Variants in SPACA7 observed in about 807,000 individuals in gnomAD.
The protein encoded by SPACA7 is sperm acrosome-associated protein 7.
In SPACA7, 19 loss-of-function variants were observed where a neutral mutation model predicts 26.3. The ratio of observed to expected loss-of-function variants is 0.72; its 90% CI spans 0.50 to 1.06. The LOEUF is 1.06. SPACA7 is among the 50% of genes least tolerant of loss of function. The pLI is 0.00. For synonymous variants in SPACA7, 84 were observed against 84.5 expected (o/e 0.99, Z 0.04); for missense variants, 211 against 229.9 (o/e 0.92, Z 0.53).
At chr13:112,385,911 GT>G (rs1204713246) in intron 1 of SPACA7, among the ~76,000 whole-genome samples, 3 of 152,316 alleles carry the variant, frequency 2.0e-5, no homozygotes, top group African/African-American at 4.8e-5. Flanking sequence ...TCATTGGCCA[GT>G]TTTTTAATTG....
At chr13:112,432,977 C>A (rs1877317795) in intron 6 of SPACA7, among the ~76,000 whole-genome samples, 1 of 152,220 alleles carries the variant, frequency 6.6e-6, no homozygotes, top group Non-Finnish European at 1.5e-5. Flanking sequence ...GTTCACACAG[C>A]TTCACCACTG....
At chr13:112,429,823 C>G (rs943025955) in intron 5 of SPACA7, among the ~76,000 whole-genome samples, 3 of 152,084 alleles carry the variant, frequency 2.0e-5, no homozygotes, top group African/African-American at 7.2e-5. Flanking sequence ...ATTTTTAAAA[C>G]TATTATTGAG....
intron 5 of SPACA7, among the ~76,000 whole-genome samples, chr13:112,422,700 C>T (rs1259604325): frequency 1.3e-5 from 2 of 152,196 alleles, no homozygotes; most frequent in Admixed American, 6.5e-5. Flanking sequence ...TAACCCAATG[C>T]GCAAAGAAGT....
At chr13:112,427,144 AT>A (rs766616728) in intron 5 of SPACA7, among the ~76,000 whole-genome samples, 40 of 152,196 alleles carry the variant, frequency 2.6e-4, no homozygotes, top group Non-Finnish European at 5.3e-4. Context: ...CATAGCAAAT[AT>A]TTTTTGTACA....
At chr13:112,399,711 A>G (rs1296313273) in intron 4 of SPACA7, among the ~76,000 whole-genome samples, 1 of 152,224 alleles carries the variant, frequency 6.6e-6, no homozygotes, top group African/African-American at 2.4e-5. Flanking sequence ...GGGCACATAT[A>G]TATACCCAGG....
chr13:112,419,288 A>C (rs1342047759), intron 5 of SPACA7, among the ~76,000 whole-genome samples: 1 of 152,156 alleles, frequency 6.6e-6, no homozygotes, highest in Non-Finnish European at 1.5e-5. Context: ...CAAGTGTGGG[A>C]TATAATATGC....
chr13:112,381,977 T>A (rs1373683784), intron 1 of SPACA7, among the ~76,000 whole-genome samples: 1 of 152,178 alleles, frequency 6.6e-6, no homozygotes, highest in Non-Finnish European at 1.5e-5. Context: ...TTTCTAATCT[T>A]GGGGCTAATG....
At chr13:112,393,865 A>G (rs2138921591) in intron 2 of SPACA7, among the ~76,000 whole-genome samples, 1 of 152,200 alleles carries the variant, frequency 6.6e-6, no homozygotes, top group Non-Finnish European at 1.5e-5. Flanking sequence ...GTGTGCCTGT[A>G]GTCCCAACCA....
chr13:112,429,749 G>A (rs1388375389), intron 5 of SPACA7, among the ~76,000 whole-genome samples: 1 of 151,936 alleles, frequency 6.6e-6, no homozygotes, highest in Non-Finnish European at 1.5e-5. Flanking sequence ...TCACATACCT[G>A]GTCATTTTTG....
chr13:112,422,545 A>C (rs1443329779), intron 5 of SPACA7, among the ~76,000 whole-genome samples: 2 of 152,222 alleles, frequency 1.3e-5, no homozygotes, highest in East Asian at 3.8e-4. Flanking sequence ...TTTTGACCAC[A>C]AAACAAACTT....
rs191389010 is a variant in SPACA7, at chr13:112,400,266, G to A, written c.350-803G>A. Among the ~76,000 whole-genome samples the A allele has an allele frequency of 3.6e-3, 550 of 152,324 alleles. 1 individual carries two copies. The highest frequency in any genetic ancestry group is 0.013 in the South Asian group (65 of 4,828). On this transcript the variant is annotated intron_variant, in intron 4 of 6. Coordinates refer to ENST00000283550, the MANE Select transcript of SPACA7 (RefSeq NM_145248.5). ...CCAATAAGACAGACTCTGGAGTTGG[G>A]AAAGATTGAACTCGATTTTTTCAGG...
At chr13:112,405,255 T>C (rs1369675582) in intron 5 of SPACA7, among the ~76,000 whole-genome samples, 1 of 152,164 alleles carries the variant, frequency 6.6e-6, no homozygotes, top group Non-Finnish European at 1.5e-5. Context: ...ACCTTCTTTA[T>C]TTTCTCTTAT....
chr13:112,399,023 C>G (rs369508560), intron 3 of SPACA7, 43 bp from the exon 4 acceptor site: 1 of 1,242,898 alleles, frequency 8.0e-7, no homozygotes, highest in Non-Finnish European at 1.2e-6. Context: ...CCTGTGTAAT[C>G]AAGAAAACTT....
At chr13:112,431,459 A>T (rs1004819279) in intron 5 of SPACA7, among the ~76,000 whole-genome samples, 1 of 152,220 alleles carries the variant, frequency 6.6e-6, no homozygotes, top group Non-Finnish European at 1.5e-5. Context: ...TAAGTATCCC[A>T]TAGGACATAT....
At chr13:112,402,082 G>C (rs1388759295) in intron 5 of SPACA7, among the ~76,000 whole-genome samples, 1 of 152,046 alleles carries the variant, frequency 6.6e-6, no homozygotes, top group Non-Finnish European at 1.5e-5. Context: ...CTTTCCTTGA[G>C]TTTATGTTTT....
chr13:112,396,774 G>A (rs1409121701), intron 2 of SPACA7, among the ~76,000 whole-genome samples: 2 of 152,148 alleles, frequency 1.3e-5, no homozygotes, highest in Admixed American at 1.3e-4. Flanking sequence ...GAGGCAGGTG[G>A]CACGCAGCTC....
intron 1 of SPACA7, among the ~76,000 whole-genome samples, chr13:112,384,717 C>T (rs982745117): frequency 2.0e-5 from 3 of 152,144 alleles, no homozygotes; most frequent in Non-Finnish European, 2.9e-5. Context: ...GGACACTTAG[C>T]TTTCCAAACA....
intron 5 of SPACA7, among the ~76,000 whole-genome samples, chr13:112,410,115 G>A (rs1006434137): frequency 2.0e-5 from 3 of 151,928 alleles, no homozygotes; most frequent in Non-Finnish European, 4.4e-5. Context: ...CTATCGCAAG[G>A]ACAAAAAACC....
At chr13:112,378,701 T>C (rs1404399684) in intron 1 of SPACA7, 1 of 471,254 alleles carries the variant, frequency 2.1e-6, no homozygotes, top group South Asian at 1.5e-5. Flanking sequence ...CACTCACCTG[T>C]GGGATGGGGA....
Sources: gnomAD v4.1 joint callset for allele counts (sites outside exome capture counted in the v4.1 genomes callset) on GRCh38, gnomAD v4.1.1 for gene constraint, MANE v1.5 for transcripts, NCBI Gene and HGNC (gene_info 2026-07-23, HGNC 2026-07-21) for gene names.